The following LCLAT1 variants were observed in gnomAD, a reference collection of about 807,000 sequenced individuals.
LCLAT1 encodes lysocardiolipin acyltransferase 1.
In LCLAT1, 11 loss-of-function variants were observed where a neutral mutation model predicts 30.7. That is an observed-to-expected ratio of 0.36 (90% CI 0.23 to 0.59). The LOEUF (loss-of-function observed/expected upper bound fraction) is 0.59, where lower values mean the gene tolerates loss of function less well. Ranked by LOEUF, LCLAT1 falls within the 20% of genes least tolerant of loss-of-function variation. The pLI is 0.77. For missense variants in LCLAT1, 402 were observed against 458.6 expected (o/e 0.88, Z 1.13); for synonymous variants, 155 against 151.3 (o/e 1.02, Z -0.18).
chr2:30,547,993 A>G (rs4952145), intron 3 of LCLAT1, among the ~76,000 whole-genome samples: 19,247 of 152,140 alleles, frequency 0.13, 1,344 homozygotes, highest in South Asian at 0.23. Flanking sequence ...TATGTTAAAC[A>G]TATTTTAGTT....
intron 1 of LCLAT1, among the ~76,000 whole-genome samples, chr2:30,448,221 T>A (rs1375996958): frequency 6.6e-6 from 1 of 152,208 alleles, no homozygotes; most frequent in Non-Finnish European, 1.5e-5. Flanking sequence ...TGAAGATATG[T>A]GTTGAAGGCA....
In LCLAT1 at chr2:30,533,637, A is replaced by G. The variant is rs149553617; in HGVS notation, c.364+323A>G. On this transcript the variant is annotated intron_variant, in intron 3 of 5. Coordinates refer to ENST00000379509, the MANE Select transcript of LCLAT1 (RefSeq NM_001002257.3). ...GTAGTACTTGTGATTTCGGCCAGAAACTGGTCTGTGCTGATAAAGTACTTG... is the reference window on the plus strand; with the variant it reads ...GTAGTACTTGTGATTTCGGCCAGAAGCTGGTCTGTGCTGATAAAGTACTTG... 6.1e-4 allele frequency among the ~76,000 whole-genome samples: 93 copies of G among 152,314 alleles called. 1 individual carries two copies. Among genetic ancestry groups the G allele is most frequent in the African/African-American group, 2.1e-3 (86 of 41,572 alleles).
chr2:30,454,800 A>G (rs1471988181), intron 1 of LCLAT1, among the ~76,000 whole-genome samples: 1 of 152,204 alleles, frequency 6.6e-6, no homozygotes, highest in Non-Finnish European at 1.5e-5. Flanking sequence ...AATTGATTAA[A>G]TTAAAGGAAG....
intron 5 of LCLAT1, among the ~76,000 whole-genome samples, chr2:30,578,671 C>T (rs927739260): frequency 3.9e-5 from 6 of 152,060 alleles, no homozygotes; most frequent in Non-Finnish European, 7.4e-5. Context: ...CCTATTTTTG[C>T]GGACTGATCT....
At chr2:30,518,232 A>G (rs1431515717) in intron 1 of LCLAT1, among the ~76,000 whole-genome samples, 3 of 152,202 alleles carry the variant, frequency 2.0e-5, no homozygotes, top group Non-Finnish European at 2.9e-5. Context: ...CAGATTTCCT[A>G]ACGGGATTTA....
intron 3 of LCLAT1, among the ~76,000 whole-genome samples, chr2:30,554,227 A>G (rs1207281107): frequency 6.6e-6 from 1 of 152,224 alleles, no homozygotes; most frequent in Non-Finnish European, 1.5e-5. Flanking sequence ...TGCAATGCAG[A>G]AATACATTCG....
intron 5 of LCLAT1, among the ~76,000 whole-genome samples, chr2:30,571,349 C>T (rs11127276): frequency 0.62 from 93,883 of 152,046 alleles, 29,381 homozygotes; most frequent in Non-Finnish European, 0.67. Flanking sequence ...TGTCAGTAGT[C>T]TTGTTTGTGG....
At chr2:30,459,837 TG>T in intron 1 of LCLAT1, 1 of 690,256 alleles carries the variant, frequency 1.4e-6, no homozygotes, top group South Asian at 1.8e-5. Context: ...ATTGTTGACA[TG>T]TTCTATGCTT....
chr2:30,604,292 C>T (rs1667326213), intron 5 of LCLAT1, among the ~76,000 whole-genome samples: 1 of 152,078 alleles, frequency 6.6e-6, no homozygotes, highest in Non-Finnish European at 1.5e-5. Flanking sequence ...AGGACTGTGA[C>T]TTCTTAGCTT....
intron 5 of LCLAT1, among the ~76,000 whole-genome samples, chr2:30,591,651 A>AG (rs1178127269): frequency 6.6e-6 from 1 of 152,204 alleles, no homozygotes; most frequent in Non-Finnish European, 1.5e-5. Flanking sequence ...TGCTGTAACC[A>AG]GGCTCTGAAA....
intron 5 of LCLAT1, among the ~76,000 whole-genome samples, chr2:30,590,204 T>A (rs1445645141): frequency 6.6e-6 from 1 of 152,118 alleles, no homozygotes; most frequent in African/African-American, 2.4e-5. Context: ...AAACGCCTAG[T>A]GATTTGAGAA....
At chr2:30,629,844 A>G (rs796429941) in intron 5 of LCLAT1, among the ~76,000 whole-genome samples, 4 of 152,330 alleles carry the variant, frequency 2.6e-5, no homozygotes, top group Non-Finnish European at 4.4e-5. Flanking sequence ...TTGTGCATCT[A>G]TAACATGTTT....
chr2:30,629,115 G>C (rs1439009159), intron 5 of LCLAT1, among the ~76,000 whole-genome samples: 1 of 152,160 alleles, frequency 6.6e-6, no homozygotes. Flanking sequence ...ACTCAAGAGT[G>C]GCTATATGGC....
intron 1 of LCLAT1, among the ~76,000 whole-genome samples, chr2:30,486,135 G>A (rs1227199650): frequency 6.6e-6 from 1 of 152,056 alleles, no homozygotes; most frequent in Non-Finnish European, 1.5e-5. Flanking sequence ...ATGATAAACT[G>A]GAAAGTGACA....
intron 3 of LCLAT1, among the ~76,000 whole-genome samples, chr2:30,550,844 G>A (rs2167968): frequency 0.12 from 18,027 of 152,096 alleles, 1,418 homozygotes; most frequent in East Asian, 0.29. Context: ...GAAAATATTT[G>A]CCCCTACTCC....
intron 1 of LCLAT1, among the ~76,000 whole-genome samples, chr2:30,495,225 C>T (rs1391987245): frequency 2.6e-5 from 4 of 152,024 alleles, no homozygotes; most frequent in African/African-American, 9.7e-5. Context: ...GCCCACAAAT[C>T]ATTATGTACA....
At chr2:30,600,064 C>G (rs891247464) in intron 5 of LCLAT1, among the ~76,000 whole-genome samples, 23 of 152,288 alleles carry the variant, frequency 1.5e-4, no homozygotes, top group African/African-American at 5.5e-4. Context: ...TTCTTCCCTT[C>G]CATGTTTAGT....
chr2:30,607,525 T>C (rs1278055676), intron 5 of LCLAT1: 1 of 152,106 alleles, frequency 6.6e-6, no homozygotes, highest in African/African-American at 2.4e-5. Context: ...GTGATGATGC[T>C]GATGTAAACC....
chr2:30,456,829 G>A (rs1050336863), intron 1 of LCLAT1, among the ~76,000 whole-genome samples: 1 of 152,082 alleles, frequency 6.6e-6, no homozygotes, highest in Non-Finnish European at 1.5e-5. Flanking sequence ...ATAATGGCCA[G>A]GATTTTTGGT....
Sources: allele counts gnomAD v4.1 joint callset (sites outside exome capture counted in the v4.1 genomes callset), GRCh38; gene constraint gnomAD v4.1.1; transcripts MANE v1.5; gene names NCBI Gene and HGNC (gene_info 2026-07-23, HGNC 2026-07-21).